Variants in SLC7A14 observed in about 807,000 individuals in gnomAD.
The protein encoded by SLC7A14 is gamma-aminobutyric acid transporter SLC7A14.
Under a neutral mutation model 60.2 loss-of-function variants are expected in SLC7A14, and 37 were observed. The ratio of observed to expected loss-of-function variants is 0.61; its 90% CI spans 0.47 to 0.81. SLC7A14 has a LOEUF of 0.81. Among genes scored for constraint, SLC7A14 ranks in the 30% least tolerant of loss-of-function variants. The pLI is 0.00. For synonymous variants in SLC7A14, 399 were observed against 395.8 expected, an observed-to-expected ratio of 1.01 and a Z score of -0.10; for missense variants, 886 against 982.7, an observed-to-expected ratio of 0.90 and a Z score of 1.32.
intron 3 of SLC7A14, among the ~76,000 whole-genome samples, chr3:170,499,406 T>C (rs571789251): frequency 1.3e-3 from 204 of 152,192 alleles, no homozygotes; most frequent in Admixed American, 6.9e-3. Context: ...TGATCTGGTA[T>C]CCTGGACCAA....
At chr3:170,530,876 C>T (rs1204930130) in intron 1 of SLC7A14, among the ~76,000 whole-genome samples, 2 of 152,192 alleles carry the variant, frequency 1.3e-5, no homozygotes, top group Non-Finnish European at 2.9e-5. Flanking sequence ...CTGCTGGAAT[C>T]GAGGAGAGAG....
chr3:170,557,897 T>A (rs200057741), intron 1 of SLC7A14, among the ~76,000 whole-genome samples: 1 of 152,204 alleles, frequency 6.6e-6, no homozygotes, highest in Admixed American at 6.5e-5. Flanking sequence ...TGAGCAAGAC[T>A]TATGACTCCG....
intron 1 of SLC7A14, among the ~76,000 whole-genome samples, chr3:170,559,474 A>G (rs914283774): frequency 2.0e-5 from 3 of 152,204 alleles, no homozygotes; most frequent in African/African-American, 4.8e-5. Flanking sequence ...TACTATTATA[A>G]TAGTTTTAAA....
chr3:170,526,815 G>A lies in SLC7A14; in HGVS notation c.122C>T (p.Thr41Ile), dbSNP rs1204240241. The A allele has an allele frequency of 6.2e-7, 1 of 1,614,198 alleles. No homozygotes were observed. The highest frequency in any genetic ancestry group is 1.7e-5 in the Admixed American group (1 of 60,030). ...TAGCTTAGTTCCATGTGCCGTGGTGGTCCCAGTTCCCTCTAGCATGGACTC... is the reference window on the plus strand; with the variant it reads ...TAGCTTAGTTCCATGTGCCGTGGTGATCCCAGTTCCCTCTAGCATGGACTC... ...PVESMLEGTGTTTAHGTKLAQ... is the reference protein window; with the variant it reads ...PVESMLEGTGITTAHGTKLAQ... Residue 41 changes from threonine (T) to isoleucine (I), a missense_variant, in exon 2 of 8, where the codon ACC (threonine) becomes ATC (isoleucine). Transcript: ENST00000231706.
At chr3:170,580,714 T>C (rs952918557) in intron 1 of SLC7A14, among the ~76,000 whole-genome samples, 2 of 152,324 alleles carry the variant, frequency 1.3e-5, no homozygotes, top group South Asian at 2.1e-4. Flanking sequence ...CCCTTGGTCA[T>C]ACTCAGCTTG....
intron 7 of SLC7A14, among the ~76,000 whole-genome samples, chr3:170,470,018 G>T (rs1415634163): frequency 1.3e-5 from 2 of 152,012 alleles, no homozygotes; most frequent in Non-Finnish European, 2.9e-5. Context: ...TAAAAACCTT[G>T]AGTCATAGAT....
At chr3:170,583,188 G>C (rs1715285094) in intron 1 of SLC7A14, among the ~76,000 whole-genome samples, 1 of 152,150 alleles carries the variant, frequency 6.6e-6, no homozygotes, top group African/African-American at 2.4e-5. Flanking sequence ...TAGAAGAGGA[G>C]ATATAGACAA....
At chr3:170,525,146 A>G (rs1258757434) in intron 2 of SLC7A14, among the ~76,000 whole-genome samples, 1 of 152,232 alleles carries the variant, frequency 6.6e-6, no homozygotes, top group Non-Finnish European at 1.5e-5. Context: ...CTGTCAGTAC[A>G]TGGGTTGGCC....
Position 170,481,306 on chromosome 3 carries a change from T to C in SLC7A14, c.1116-140A>G, listed in dbSNP as rs1171377638. The stretch of plus-strand genomic sequence containing the variant: ...CCTGCTCCACCAATTTACTTCTGCA[T>C]TCACTACTTTAAATCCAGCTGCTAT... On this transcript the variant is annotated intron_variant, in intron 6 of 7. Coordinates refer to ENST00000231706, the MANE Select transcript of SLC7A14 (RefSeq NM_020949.3). 7 of 827,752 alleles carry C rather than the reference T, an allele frequency of 8.5e-6. No homozygotes were observed. In the Admixed American group the frequency reaches 1.2e-4, roughly 15 times the overall value. The allele number at this position is 827,752 out of a possible 1,614,324, so 51.3% of individuals were successfully genotyped here. A position where few individuals can be genotyped will look rare whatever the true frequency, so the allele number is the denominator to read the frequency against.
Position 170,461,586 on chromosome 3 carries a change from G to C in SLC7A14, c.*5469C>G, listed in dbSNP as rs1739604408. The C allele has an allele frequency of 1.3e-5, 2 of 152,258 alleles. No individual in the cohort carries two copies. Among genetic ancestry groups the C allele is most frequent in the Non-Finnish European group, 2.9e-5 (2 of 68,074 alleles). The allele number at this position is 152,258 out of a possible 1,614,324, so 9.4% of individuals were successfully genotyped here. Reference sequence around the variant, plus strand: ...TGCTACCCATCCCCATTCCCAGCGAGAAATACTAAGTAAACTCCTTGGTGA... The same window carrying C: ...TGCTACCCATCCCCATTCCCAGCGACAAATACTAAGTAAACTCCTTGGTGA... On this transcript the variant is annotated 3_prime_UTR_variant, in exon 8 of 8. Transcript: ENST00000231706.
At chr3:170,497,486 C>T (rs1712445931) in intron 4 of SLC7A14, among the ~76,000 whole-genome samples, 1 of 152,196 alleles carries the variant, frequency 6.6e-6, no homozygotes, top group South Asian at 2.1e-4. Flanking sequence ...TTTCTGATCC[C>T]TGGACATGTT....
chr3:170,575,934 G>A (rs2108317159), intron 1 of SLC7A14, among the ~76,000 whole-genome samples: 1 of 152,276 alleles, frequency 6.6e-6, no homozygotes, highest in East Asian at 1.9e-4. Flanking sequence ...CTGTATTCAA[G>A]TTTCTTCAGT....
chr3:170,511,802 A>G (rs1165234492), intron 2 of SLC7A14, among the ~76,000 whole-genome samples: 1 of 152,216 alleles, frequency 6.6e-6, no homozygotes, highest in Non-Finnish European at 1.5e-5. Flanking sequence ...TGCTCAATGC[A>G]CTTCTAAAAC....
Position 170,526,880 on chromosome 3 carries a change from C to T in SLC7A14, c.57G>A (p.Trp19Ter). Reference protein sequence around the residue: ...DPRRVQWGAAWYAMHSRILRT... With the variant: ...DPRRVQWGAA Reference sequence around the variant, plus strand: ...GTAGGATCCTGGAGTGCATTGCATACCAGGCAGCTCCCCACTGCACCCGCC... The same window carrying T: ...GTAGGATCCTGGAGTGCATTGCATATCAGGCAGCTCCCCACTGCACCCGCC... Residue 19 changes from tryptophan to a stop codon, truncating the protein, a stop_gained, in exon 2 of 8, where the codon TGG (tryptophan) becomes TGA (stop). Coordinates refer to ENST00000231706, the MANE Select transcript of SLC7A14 (RefSeq NM_020949.3). LOFTEE classifies it high-confidence loss of function. The T allele has an allele frequency of 6.2e-7, 1 of 1,613,896 alleles. No homozygotes were observed. Among genetic ancestry groups the T allele is most frequent in the African/African-American group, 1.3e-5 (1 of 75,032 alleles).
In SLC7A14 at chr3:170,526,779, A is replaced by G. The variant is rs745670307; in HGVS notation, c.158T>C (p.Leu53Pro). 6.2e-6 allele frequency: 10 copies of G among 1,614,118 alleles called. No individual in the cohort carries two copies. Among genetic ancestry groups the G allele is most frequent in the Middle Eastern group, 3.3e-4 (2 of 6,084 alleles). The change falls in exon 2 of 8, where the codon CTC becomes CCC. Residue 53 changes from leucine to proline, a missense_variant. Physicochemically the swap from Leu to Pro is moderately conservative, Grantham distance 98. Coordinates refer to ENST00000231706, the MANE Select transcript of SLC7A14 (RefSeq NM_020949.3). Reference sequence around the variant, plus strand: ...AAGAGAGATGAGGTCCACTGTGGTGAGTACCTGGGCTAGCTTAGTTCCATG... The same window carrying G: ...AAGAGAGATGAGGTCCACTGTGGTGGGTACCTGGGCTAGCTTAGTTCCATG... ...TAHGTKLAQV[L>P]TTVDLISLGV... is the part of the protein sequence containing the mutation.
At chr3:170,544,329 A>G (rs929783556) in intron 1 of SLC7A14, among the ~76,000 whole-genome samples, 1 of 152,098 alleles carries the variant, frequency 6.6e-6, no homozygotes, top group Non-Finnish European at 1.5e-5. Flanking sequence ...GAAAAAAGGT[A>G]AAATAGACAC....
At chr3:170,544,771 C>G (rs765982538) in intron 1 of SLC7A14, among the ~76,000 whole-genome samples, 1 of 152,230 alleles carries the variant, frequency 6.6e-6, no homozygotes, top group African/African-American at 2.4e-5. Flanking sequence ...GAGAGAGATA[C>G]TATTTTTAAC....
At chr3:170,495,287 T>C (rs1712346792) in intron 4 of SLC7A14, among the ~76,000 whole-genome samples, 1 of 152,224 alleles carries the variant, frequency 6.6e-6, no homozygotes, top group Admixed American at 6.5e-5. Flanking sequence ...TTCCAGTAAG[T>C]CCATGACCCA....
Position 170,480,312 on chromosome 3 carries a change from C to A in SLC7A14, c.1970G>T (p.Arg657Leu). ...ACCCACAAAGCACCAGACCGCAAAC[C>A]GGATCCATGTGATGGTGGAGAGCTT... Reference protein sequence around the residue: ...MLKLSTITWIRFAVWCFVGLL... With the variant: ...MLKLSTITWILFAVWCFVGLL... The change falls in exon 7 of 8, where the codon CGG (arginine) becomes CTG (leucine). Residue 657 changes from arginine (R) to leucine (L), a missense_variant. Arg to Leu is a moderately radical substitution (Grantham distance 102). Coordinates refer to ENST00000231706, the MANE Select transcript of SLC7A14 (RefSeq NM_020949.3). 6.5e-7 allele frequency: 1 copy of A among 1,540,760 alleles called. No homozygotes were observed. The highest frequency in any genetic ancestry group is 8.7e-7 in the Non-Finnish European group (1 of 1,143,992).
Sources: allele counts gnomAD v4.1 joint callset (sites outside exome capture counted in the v4.1 genomes callset), GRCh38; gene constraint gnomAD v4.1.1; transcripts MANE v1.5; gene names NCBI Gene and HGNC (gene_info 2026-07-23, HGNC 2026-07-21).